RELN: variants seen among roughly 807,000 people sequenced by gnomAD.
The protein encoded by RELN is reelin.
RELN carries 108 observed loss-of-function variants against 427.6 expected under a neutral mutation model. The observed-to-expected ratio is 0.25, with a 90% CI of 0.22 to 0.30. The LOEUF (loss-of-function observed/expected upper bound fraction) is 0.30. Ranked by LOEUF, RELN falls within the 10% of genes least tolerant of loss-of-function variation. The pLI is 1.00. For synonymous variants in RELN, 1,524 were observed against 1,513.4 expected (o/e 1.01, Z -0.16); for missense variants, 3,715 against 4,302.8 (o/e 0.86, Z 3.82).
intron 1 of RELN, among the ~76,000 whole-genome samples, chr7:103,984,891 A>G (rs922291548): frequency 2.0e-5 from 3 of 152,248 alleles, no homozygotes; most frequent in Non-Finnish European, 2.9e-5. Flanking sequence ...GAAAGGAATT[A>G]AATCTGGAAT....
intron 2 of RELN, among the ~76,000 whole-genome samples, chr7:103,890,848 C>T (rs1240254440): frequency 2.0e-5 from 3 of 152,060 alleles, no homozygotes; most frequent in Non-Finnish European, 4.4e-5. Context: ...GAGGCTGAGG[C>T]GGGCAGATAA....
At chr7:103,892,017 G>A (rs773179852) in intron 2 of RELN, among the ~76,000 whole-genome samples, 1 of 152,202 alleles carries the variant, frequency 6.6e-6, no homozygotes, top group Non-Finnish European at 1.5e-5. Context: ...GGAAGCAACT[G>A]TCCCATCTAG....
intron 3 of RELN, among the ~76,000 whole-genome samples, chr7:103,791,950 C>T (rs1336191613): frequency 1.3e-5 from 2 of 151,858 alleles, no homozygotes; most frequent in East Asian, 1.9e-4. Context: ...AGAAAAAATA[C>T]AAATGGTCAA....
chr7:103,578,123 T>A (rs77635527), intron 28 of RELN, among the ~76,000 whole-genome samples: 3 of 152,220 alleles, frequency 2.0e-5, no homozygotes, highest in Admixed American at 2.0e-4. Flanking sequence ...TCCTTTGACC[T>A]GTCTCTGATT....
intron 1 of RELN, among the ~76,000 whole-genome samples, chr7:103,978,084 G>A (rs1185320244): frequency 1.3e-5 from 2 of 152,082 alleles, no homozygotes; most frequent in African/African-American, 4.8e-5. Context: ...TCAAAGAAAT[G>A]AACATCTTTT....
At chr7:103,846,402 C>T (rs1050510244) in intron 2 of RELN, among the ~76,000 whole-genome samples, 8 of 152,146 alleles carry the variant, frequency 5.3e-5, no homozygotes, top group African/African-American at 1.9e-4. Context: ...GGACCCCTTC[C>T]TTACACTTTA....
intron 1 of RELN, among the ~76,000 whole-genome samples, chr7:103,954,943 A>G (rs1213608067): frequency 6.6e-6 from 1 of 152,244 alleles, no homozygotes; most frequent in Non-Finnish European, 1.5e-5. Flanking sequence ...AGATAAAATA[A>G]AAGCCTTTTT....
At chr7:103,483,879 TTTTA>T (rs758233251) in intron 61 of RELN, 29 bp from the exon 62 acceptor site, 30 of 1,601,354 alleles carry the variant, frequency 1.9e-5, no homozygotes, top group Middle Eastern at 2.0e-4. Context: ...TCATCTTTAT[TTTTA>T]TTTATTTATT....
chr7:103,593,601 GTTCT>G, intron 27 of RELN, 77 bp downstream of exon 27: 1 of 1,228,948 alleles, frequency 8.1e-7, no homozygotes, highest in Non-Finnish European at 1.2e-6. Flanking sequence ...AAAAATTTGT[GTTCT>G]TTGTGAGTTC....
At chr7:103,753,109 C>A in intron 5 of RELN, 73 bp downstream of exon 5, 1 of 1,460,140 alleles carries the variant, frequency 6.8e-7, no homozygotes, top group South Asian at 1.1e-5. Flanking sequence ...ATAACATCTG[C>A]TCGTATAGCC....
At chr7:103,575,471 G>A in intron 29 of RELN, 77 bp downstream of exon 29, 1 of 1,432,722 alleles carries the variant, frequency 7.0e-7, no homozygotes, top group Non-Finnish European at 9.8e-7. Context: ...TATTTCTTTG[G>A]GAGAATAACA....
chr7:103,952,063 A>T (rs1796343602), intron 1 of RELN, among the ~76,000 whole-genome samples: 1 of 152,258 alleles, frequency 6.6e-6, no homozygotes, highest in Non-Finnish European at 1.5e-5. Flanking sequence ...TATTTTGGGT[A>T]CTCAAACATC....
At chr7:103,949,378 A>G (rs946694467) in intron 1 of RELN, among the ~76,000 whole-genome samples, 1 of 104,620 alleles carries the variant, frequency 9.6e-6, no homozygotes, top group Non-Finnish European at 2.0e-5. Flanking sequence ...TAAAACTTTG[A>G]ACTTAAAAAA....
intron 46 of RELN, among the ~76,000 whole-genome samples, chr7:103,534,923 T>C (rs919766392): frequency 6.6e-6 from 1 of 152,070 alleles, no homozygotes; most frequent in African/African-American, 2.4e-5. Context: ...CTCACTCCTA[T>C]ATTTACAGCA....
At chr7:103,719,949 A>G (rs1046023884) in intron 8 of RELN, among the ~76,000 whole-genome samples, 1 of 152,176 alleles carries the variant, frequency 6.6e-6, no homozygotes, top group Non-Finnish European at 1.5e-5. Flanking sequence ...AACATGATAA[A>G]TTTCATCTTG....
chr7:103,943,931 G>A (rs1796167566), intron 1 of RELN, among the ~76,000 whole-genome samples: 1 of 148,822 alleles, frequency 6.7e-6, no homozygotes, highest in South Asian at 2.2e-4. Flanking sequence ...AAAATTTAGA[G>A]TCCTTTATGG....
rs2117326460 is a variant in RELN at position 103,626,972 on chromosome 7, G to A, written c.2702+2968C>T. 6.6e-6 allele frequency among the ~76,000 whole-genome samples: 1 copy of A among 152,128 alleles called. No individual in the cohort carries two copies. The highest frequency in any genetic ancestry group is 2.1e-4 in the South Asian group (1 of 4,810). ...AAAAAGTGCTCTAGGATGACATACT[G>A]GAAAGTGATTTGTAGCATACTGACT... On this transcript the variant is annotated intron_variant, in intron 20 of 64. Coordinates refer to ENST00000428762, the MANE Select transcript of RELN (RefSeq NM_005045.4). This position sits in a 1 kb window ranked among gnomAD's most constrained non-coding sequence, Gnocchi z 4.4.
intron 43 of RELN, among the ~76,000 whole-genome samples, chr7:103,541,136 GA>G (rs1228947595): frequency 1.3e-5 from 2 of 152,146 alleles, no homozygotes; most frequent in African/African-American, 4.8e-5. Flanking sequence ...TCTGGGGATG[GA>G]TGATACTGGC....
At chr7:103,675,972 G>A (rs1833511583) in intron 11 of RELN, among the ~76,000 whole-genome samples, 1 of 152,110 alleles carries the variant, frequency 6.6e-6, no homozygotes, top group Non-Finnish European at 1.5e-5. Context: ...CAGGACATAG[G>A]CATGGGCAAG....
Sources: gnomAD v4.1 joint callset for allele counts (sites outside exome capture counted in the v4.1 genomes callset) on GRCh38, gnomAD v4.1.1 for gene constraint, Gnocchi (gnomAD v3.1) non-coding constraint, MANE v1.5 for transcripts, NCBI Gene and HGNC (gene_info 2026-07-23, HGNC 2026-07-21) for gene names.